Variants in VPS50 observed in about 807,000 individuals in gnomAD.
VPS50 encodes syndetin.
Under a neutral mutation model 139.7 loss-of-function variants are expected in VPS50, and 70 were observed. The observed-to-expected ratio is 0.50, with a 90% CI of 0.41 to 0.61. The LOEUF (loss-of-function observed/expected upper bound fraction) is 0.61. Among genes scored for constraint, VPS50 ranks in the 20% least tolerant of loss-of-function variants. The pLI, the probability that VPS50 is intolerant of heterozygous loss-of-function variation, is 0.00. For missense variants in VPS50, 921 were observed against 1,133.7 expected (o/e 0.81, Z 2.69); for synonymous variants, 365 against 376.7 (o/e 0.97, Z 0.36).
At chr7:93,310,524 A>T (rs573168105) in intron 19 of VPS50, among the ~76,000 whole-genome samples, 7 of 151,352 alleles carry the variant, frequency 4.6e-5, no homozygotes, top group African/African-American at 1.7e-4. Context: ...GCTTTTAGTG[A>T]CTCACCACTG....
At chr7:93,287,746 A>G (rs542557754) in intron 12 of VPS50, among the ~76,000 whole-genome samples, 2 of 152,240 alleles carry the variant, frequency 1.3e-5, no homozygotes, top group South Asian at 2.1e-4. Context: ...TTATTTGGGT[A>G]TGATTGCTGA....
chr7:93,261,748 C>T (rs1213576289), intron 9 of VPS50, among the ~76,000 whole-genome samples: 3 of 150,602 alleles, frequency 2.0e-5, no homozygotes, highest in Admixed American at 6.6e-5. Flanking sequence ...TGGAAGCATT[C>T]GGATCTAACT....
At chr7:93,254,709 T>C (rs901464715) in intron 4 of VPS50, among the ~76,000 whole-genome samples, 1 of 152,210 alleles carries the variant, frequency 6.6e-6, no homozygotes, top group Non-Finnish European at 1.5e-5. Context: ...GCTTGCATTT[T>C]CTTTAATGCG....
At chr7:93,272,608 G>T (rs765728021) in intron 10 of VPS50, 27 bp from the exon 11 acceptor site, 2 of 978,204 alleles carry the variant, frequency 2.0e-6, no homozygotes, top group South Asian at 3.0e-5. Flanking sequence ...CCTTAACCAT[G>T]TCTTGCTTCT....
At chr7:93,335,260 T>C (rs1018140281) in intron 22 of VPS50, among the ~76,000 whole-genome samples, 2 of 152,158 alleles carry the variant, frequency 1.3e-5, no homozygotes, top group African/African-American at 4.8e-5. Context: ...TGAGCAGAGA[T>C]GTGAATAATG....
At chr7:93,265,327 T>G (rs1647860194) in intron 9 of VPS50, among the ~76,000 whole-genome samples, 1 of 152,162 alleles carries the variant, frequency 6.6e-6, no homozygotes, top group Admixed American at 6.6e-5. Context: ...ATGCCATACG[T>G]CTCTGTTGCA....
chr7:93,260,771 C>G (rs1419549342), intron 9 of VPS50, among the ~76,000 whole-genome samples: 1 of 152,096 alleles, frequency 6.6e-6, no homozygotes, highest in Non-Finnish European at 1.5e-5. Flanking sequence ...TCTTGGCTCA[C>G]TGCAACCTCT....
intron 21 of VPS50, among the ~76,000 whole-genome samples, chr7:93,328,602 G>A (rs891532546): frequency 6.6e-6 from 1 of 152,150 alleles, no homozygotes; most frequent in Non-Finnish European, 1.5e-5. Context: ...GACTGTGGTG[G>A]GGGGTCCATG....
At chr7:93,258,861 A>G (rs1315217295) in intron 8 of VPS50, among the ~76,000 whole-genome samples, 1 of 152,044 alleles carries the variant, frequency 6.6e-6, no homozygotes, top group Non-Finnish European at 1.5e-5. Context: ...GTGTCTCCTC[A>G]TAATACTTGA....
Position 93,355,983 on chromosome 7 carries a change from A to G in VPS50, c.2678A>G (p.Asp893Gly). ...QFLMKLEKLT[D>G]IRPIPDKEFV... Reference sequence around the variant, plus strand: ...TTAATGAAACTTGAAAAACTAACAGATATTAGACCCATTCCTGATAAAGAA... The same window carrying G: ...TTAATGAAACTTGAAAAACTAACAGGTATTAGACCCATTCCTGATAAAGAA... The change falls in exon 27 of 28, where the codon GAT becomes GGT. Residue 893 changes from aspartate (D) to glycine (G), a missense_variant. Around this residue, in one of 3 missense-constraint regions of VPS50, gnomAD observed 158 missense variants for 156.3 expected, o/e 1.01. Transcript: ENST00000305866. 1 of 1,591,180 alleles carries G rather than the reference A, an allele frequency of 6.3e-7. No individual in the cohort carries two copies. Among genetic ancestry groups the G allele is most frequent in the Non-Finnish European group, 8.6e-7 (1 of 1,161,292 alleles).
rs202014635 is a variant in VPS50, at chr7:93,240,269, TC to T, written c.102+336del. On this transcript the variant is annotated intron_variant, in intron 2 of 27. Coordinates refer to ENST00000305866, the MANE Select transcript of VPS50 (RefSeq NM_017667.4). ...CACACACTCTCTCTCTCTCTCTCTC[TC>T]ATTGATTTATCTGCTGTAATTTGTA... Among the ~76,000 whole-genome samples the T allele has an allele frequency of 1.4e-3, 187 of 136,560 alleles. 1 individual carries two copies. Among genetic ancestry groups the T allele is most frequent in the East Asian group, 0.014 (69 of 5,092 alleles). The allele number at this position is 136,560 out of a possible 152,430, so 89.6% of individuals were successfully genotyped here.
At chr7:93,340,311 A>G (rs1300725525) in intron 22 of VPS50, among the ~76,000 whole-genome samples, 1 of 152,226 alleles carries the variant, frequency 6.6e-6, no homozygotes, top group African/African-American at 2.4e-5. Flanking sequence ...TAAGTTAAAT[A>G]TTGAAATATT....
chr7:93,356,946 G>A (rs1798724060), intron 27 of VPS50, among the ~76,000 whole-genome samples: 1 of 152,112 alleles, frequency 6.6e-6, no homozygotes, highest in African/African-American at 2.4e-5. Context: ...ATTCACATTG[G>A]CGTGAATCTT....
chr7:93,258,543 C>G (rs1329566512), intron 8 of VPS50, 151 bp downstream of exon 8: 3 of 625,068 alleles, frequency 4.8e-6, no homozygotes, highest in Non-Finnish European at 8.4e-6. Context: ...AAGATTCTTG[C>G]TCTGGAGCCT....
intron 16 of VPS50, among the ~76,000 whole-genome samples, chr7:93,299,521 T>TTGAGAATGAAG (rs1796914699): frequency 1.3e-5 from 2 of 152,280 alleles, no homozygotes; most frequent in African/African-American, 4.8e-5. Flanking sequence ...AATATAGCTC[T>TTGAGAATGAAG]TGAGAATGAA....
chr7:93,267,048 A>T (rs1381142230), intron 9 of VPS50, among the ~76,000 whole-genome samples: 4 of 152,232 alleles, frequency 2.6e-5, no homozygotes, highest in African/African-American at 9.6e-5. Context: ...CCATAAAAAC[A>T]TCTAGGTTTA....
At position 93,265,565 on chromosome 7, in the gene VPS50, T is replaced by C. The variant is rs374880865; in HGVS notation, c.660-5655T>C. The stretch of plus-strand genomic sequence containing the variant: ...GTGGTGATAGATTAGGTCAGGGATT[T>C]CTTTCTTTCTTTTTTTGGAGACAGA... On this transcript the variant is annotated intron_variant, in intron 9 of 27. Transcript: ENST00000305866. Among the ~76,000 whole-genome samples the C allele has an allele frequency of 3.2e-4, 49 of 152,214 alleles. No homozygotes were observed. In the South Asian group the frequency reaches 7.9e-3, roughly 25 times the overall value.
intron 15 of VPS50, 32 bp from the exon 16 acceptor site, chr7:93,297,113 T>C (rs1169065785): frequency 6.5e-7 from 1 of 1,544,502 alleles, no homozygotes; most frequent in Non-Finnish European, 8.6e-7. Context: ...AGGCTGCTGC[T>C]GAAATTTACT....
chr7:93,311,963 T>C (rs1562881290), intron 20 of VPS50, among the ~76,000 whole-genome samples: 3 of 152,116 alleles, frequency 2.0e-5, no homozygotes, highest in Non-Finnish European at 2.9e-5. Flanking sequence ...AGCAGGAATT[T>C]TAGTGGTTTT....
Sources: allele counts gnomAD v4.1 joint callset (sites outside exome capture counted in the v4.1 genomes callset), GRCh38; gene constraint gnomAD v4.1.1; regional missense constraint gnomAD v4.1.1; transcripts MANE v1.5; gene names NCBI Gene and HGNC (gene_info 2026-07-23, HGNC 2026-07-21).